Variants in ZFYVE28 observed in about 807,000 individuals in gnomAD.
The protein encoded by ZFYVE28 is zinc finger FYVE-type containing 28.
Under a neutral mutation model 82.1 loss-of-function variants are expected in ZFYVE28, and 40 were observed. The ratio of observed to expected loss-of-function variants is 0.49; its 90% CI spans 0.38 to 0.63. ZFYVE28 has a LOEUF of 0.63. Among genes scored for constraint, ZFYVE28 ranks in the 30% least tolerant of loss-of-function variants. ZFYVE28 has a pLI of 0.00. For missense variants in ZFYVE28, 1,321 were observed against 1,242.1 expected, an observed-to-expected ratio of 1.06 and a Z score of -0.96; for synonymous variants, 612 against 546.1, an observed-to-expected ratio of 1.12 and a Z score of -1.68.
intron 2 of ZFYVE28, among the ~76,000 whole-genome samples, chr4:2,349,736 A>C (rs1298005460): frequency 2.0e-5 from 3 of 151,988 alleles, no homozygotes; most frequent in Admixed American, 1.3e-4. Context: ...AGTAAAAAAA[A>C]CCATCAATGT....
intron 8 of ZFYVE28, among the ~76,000 whole-genome samples, chr4:2,298,700 C>T (rs1029476022): frequency 2.6e-5 from 4 of 152,304 alleles, no homozygotes; most frequent in South Asian, 2.1e-4. Flanking sequence ...CAGAGGCGCC[C>T]GACTGCACGA....
chr4:2,315,776 T>C (rs1156852431), intron 7 of ZFYVE28, among the ~76,000 whole-genome samples: 8 of 152,190 alleles, frequency 5.3e-5, no homozygotes, highest in Non-Finnish European at 1.0e-4. Context: ...TTTTTGTTTG[T>C]AGTTTTCTTG....
chr4:2,324,419 C>T (rs1020161057), intron 6 of ZFYVE28: 15 of 155,274 alleles, frequency 9.7e-5, no homozygotes, highest in Non-Finnish European at 2.0e-4. Flanking sequence ...CATCGTACAG[C>T]GGATGCTACA....
At chr4:2,324,341 A>T (rs1719555417) in intron 6 of ZFYVE28, 1 of 152,162 alleles carries the variant, frequency 6.6e-6, no homozygotes, top group Non-Finnish European at 1.5e-5. Context: ...TGCTAATCTC[A>T]TCTTTAAAAT....
intron 7 of ZFYVE28, among the ~76,000 whole-genome samples, chr4:2,305,742 A>C (rs894570627): frequency 2.0e-5 from 3 of 152,252 alleles, no homozygotes; most frequent in African/African-American, 7.2e-5. Context: ...AACGGTGTTC[A>C]AGGTGGCCGG....
At chr4:2,398,301 G>A (rs1245831574) in intron 1 of ZFYVE28, among the ~76,000 whole-genome samples, 1 of 152,160 alleles carries the variant, frequency 6.6e-6, no homozygotes, top group Non-Finnish European at 1.5e-5. Flanking sequence ...TTGGGGGAGC[G>A]ACCAGAACAC....
intron 8 of ZFYVE28, chr4:2,295,661 G>T: frequency 6.5e-6 from 1 of 152,884 alleles, no homozygotes. Flanking sequence ...CCAGCACCTC[G>T]GCCCTCACAG....
At position 2,335,303 on chromosome 4, in the gene ZFYVE28, G is replaced by A. The variant is rs1219402362; in HGVS notation, c.701+402C>T. On this transcript the variant is annotated intron_variant, in intron 6 of 12. Coordinates refer to ENST00000290974, the MANE Select transcript of ZFYVE28 (RefSeq NM_020972.3). The surrounding 1 kb of genome is among the most constrained non-coding windows in gnomAD (Gnocchi z 5.8). Reference sequence around the variant, plus strand: ...CACAGCCTCCTGAGGGACCCGGGGGGCAGCTCGTCCTCTTGTTACCACCAA... The same window carrying A: ...CACAGCCTCCTGAGGGACCCGGGGGACAGCTCGTCCTCTTGTTACCACCAA... Among the ~76,000 whole-genome samples the A allele has an allele frequency of 6.6e-6, 1 of 152,122 alleles. No individual in the cohort carries two copies. Among genetic ancestry groups the A allele is most frequent in the Non-Finnish European group, 1.5e-5 (1 of 68,028 alleles).
chr4:2,397,621 A>G (rs1197139152), intron 1 of ZFYVE28, among the ~76,000 whole-genome samples: 2 of 152,034 alleles, frequency 1.3e-5, no homozygotes, highest in African/African-American at 2.4e-5. Context: ...ACTACTTTCC[A>G]TATCTATGAA....
intron 5 of ZFYVE28, among the ~76,000 whole-genome samples, chr4:2,337,062 G>C (rs1374366907): frequency 6.6e-6 from 1 of 152,096 alleles, no homozygotes; most frequent in East Asian, 1.9e-4. Flanking sequence ...GAGGGGGTGA[G>C]GAAGGTGACA....
intron 1 of ZFYVE28, among the ~76,000 whole-genome samples, chr4:2,395,281 A>T (rs1730317201): frequency 6.8e-6 from 1 of 147,828 alleles, no homozygotes; most frequent in African/African-American, 2.5e-5. Flanking sequence ...TCGACTAATA[A>T]GAGAGGAATT....
intron 6 of ZFYVE28, among the ~76,000 whole-genome samples, chr4:2,328,162 G>A (rs374561689): frequency 3.3e-5 from 5 of 152,120 alleles, no homozygotes; most frequent in African/African-American, 9.7e-5. Flanking sequence ...CAACCTAAGC[G>A]TTTAACAGAT....
Position 2,339,802 on chromosome 4 carries a change from G to A in ZFYVE28, c.319-147C>T. 2 of 716,808 alleles carry A rather than the reference G, an allele frequency of 2.8e-6. No homozygotes were observed. Among genetic ancestry groups the A allele is most frequent in the Non-Finnish European group, 4.5e-6 (2 of 442,818 alleles). The allele number at this position is 716,808 out of a possible 1,614,324, so 44.4% of individuals were successfully genotyped here. ...GCTCGTGTTCCCGGTCCCCGCAGGA[G>A]GTTTTTCTTACATTCAGAGCAATCG... On this transcript the variant is annotated intron_variant, in intron 3 of 12. Coordinates refer to ENST00000290974, the MANE Select transcript of ZFYVE28 (RefSeq NM_020972.3). The surrounding 1 kb of genome is among the most constrained non-coding windows in gnomAD (Gnocchi z 5.0).
At chr4:2,323,207 C>T (rs957481730) in intron 6 of ZFYVE28, among the ~76,000 whole-genome samples, 4 of 152,182 alleles carry the variant, frequency 2.6e-5, no homozygotes, top group South Asian at 4.1e-4. Flanking sequence ...GCTCTCCCCA[C>T]GTATTCTTTT....
At chr4:2,360,012 A>G (rs113015267) in intron 1 of ZFYVE28, among the ~76,000 whole-genome samples, 26 of 152,168 alleles carry the variant, frequency 1.7e-4, no homozygotes, top group African/African-American at 6.0e-4. Context: ...CCCACCCCGG[A>G]CAAGCGCACG....
chr4:2,398,689 AT>A (rs1560337811), intron 1 of ZFYVE28, among the ~76,000 whole-genome samples: 1 of 124,032 alleles, frequency 8.1e-6, no homozygotes, highest in African/African-American at 3.1e-5. Flanking sequence ...CCAGGGCACA[AT>A]GGGGGGTCGA....
At chr4:2,274,272 AG>A in intron 8 of ZFYVE28, 56 bp from the exon 9 acceptor site, 1 of 1,573,648 alleles carries the variant, frequency 6.4e-7, no homozygotes, top group South Asian at 1.1e-5. Context: ...GGGGCCGTGG[AG>A]CCCGAAGGTC....
chr4:2,404,855 C>CTT, intron 1 of ZFYVE28, among the ~76,000 whole-genome samples: 1 of 64,792 alleles, frequency 1.5e-5, no homozygotes. Context: ...CTCAGTCTCG[C>CTT]TCTTTTTTTT....
In ZFYVE28 at chr4:2,341,791, G is replaced by A. The variant is rs547165815; in HGVS notation, c.181-176C>T. ...TGCCAGCACTTTGGGAGGCCGAGGC[G>A]GGTGGTTTACCTGAGGTTAGGAGTT... On this transcript the variant is annotated intron_variant, in intron 2 of 12. Coordinates refer to ENST00000290974, the MANE Select transcript of ZFYVE28 (RefSeq NM_020972.3). The surrounding 1 kb of genome is among the most constrained non-coding windows in gnomAD (Gnocchi z 4.5). Among the ~76,000 whole-genome samples, 19 of 152,276 alleles carry A rather than the reference G, an allele frequency of 1.2e-4. No homozygotes were observed. Among genetic ancestry groups the A allele is most frequent in the South Asian group, 8.3e-4 (4 of 4,826 alleles).
Sources: allele counts gnomAD v4.1 joint callset (sites outside exome capture counted in the v4.1 genomes callset), GRCh38; gene constraint gnomAD v4.1.1; non-coding constraint Gnocchi (gnomAD v3.1); transcripts MANE v1.5; gene names NCBI Gene and HGNC (gene_info 2026-07-23, HGNC 2026-07-21).